Variants in PCDHGA1 observed in about 807,000 individuals in gnomAD.
PCDHGA1 encodes protocadherin gamma-A1.
A neutral mutation model predicts 58.0 loss-of-function variants in PCDHGA1; 32 were observed. The observed-to-expected ratio is 0.55, with a 90% CI of 0.42 to 0.74. PCDHGA1 has a LOEUF of 0.74. PCDHGA1 is among the 30% of genes least tolerant of loss of function. The pLI is 0.00. For synonymous variants in PCDHGA1, 498 were observed against 501.1 expected, an observed-to-expected ratio of 0.99 and a Z score of 0.08; for missense variants, 1,205 against 1,182.3, an observed-to-expected ratio of 1.02 and a Z score of -0.28.
chr5:141,424,295 C>T (rs1481053072), intron 1 of PCDHGA1: 1 of 152,526 alleles, frequency 6.6e-6, no homozygotes, highest in East Asian at 1.9e-4. Flanking sequence ...TTTCTTCATC[C>T]TATCAACACA....
chr5:141,380,878 G>C (rs1776818511), intron 1 of PCDHGA1, among the ~76,000 whole-genome samples: 1 of 152,198 alleles, frequency 6.6e-6, no homozygotes, highest in African/African-American at 2.4e-5. Flanking sequence ...CTCCAAACAT[G>C]AAAGTTTGTT....
chr5:141,409,238 G>A (rs2095245468), intron 1 of PCDHGA1: 1 of 1,614,002 alleles, frequency 6.2e-7, no homozygotes, highest in Non-Finnish European at 8.5e-7. Flanking sequence ...CAACAGCCCA[G>A]AAATAATCAT....
At chr5:141,424,717 T>G (rs914445969) in intron 1 of PCDHGA1, 1 of 152,202 alleles carries the variant, frequency 6.6e-6, no homozygotes, top group Non-Finnish European at 1.5e-5. Context: ...TCAGTGTAGT[T>G]GGGAGTCATA....
In PCDHGA1 at chr5:141,332,407, G is replaced by A. The variant is rs947751971; in HGVS notation, c.1723G>A (p.Val575Met). The A allele has an allele frequency of 6.2e-7, 1 of 1,614,032 alleles. No individual in the cohort carries two copies. The highest frequency in any genetic ancestry group is 8.5e-7 in the Non-Finnish European group (1 of 1,180,056). The part of the protein sequence containing the change: ...PALPTDGSTG[V>M]ELAPLSAEPG... The stretch of plus-strand genomic sequence containing the variant: ...CCTCCCCACAGATGGTTCTACCGGC[G>A]TGGAGCTGGCGCCCCTCTCCGCAGA... The change falls in exon 1 of 4, where the codon GTG becomes ATG. Residue 575 changes from valine (V) to methionine (M), a missense_variant. Coordinates refer to ENST00000517417, the MANE Select transcript of PCDHGA1 (RefSeq NM_018912.3). This position sits in a 1 kb window ranked among gnomAD's most constrained non-coding sequence, Gnocchi z 4.6.
chr5:141,414,726 C>G (rs761022941), intron 1 of PCDHGA1: 5 of 1,614,196 alleles, frequency 3.1e-6, no homozygotes, highest in Non-Finnish European at 4.2e-6. Context: ...ACACTGGCGT[C>G]CTGTATGCAC....
chr5:141,409,438 A>G (rs1459982502), intron 1 of PCDHGA1: 2 of 1,613,984 alleles, frequency 1.2e-6, no homozygotes, highest in Non-Finnish European at 1.7e-6. Flanking sequence ...CCCTGGACCG[A>G]GAGCAGACAC....
chr5:141,366,655 C>T (rs761615702), intron 1 of PCDHGA1: 7 of 1,614,102 alleles, frequency 4.3e-6, no homozygotes, highest in African/African-American at 2.7e-5. Context: ...AGCCCAACTA[C>T]GCAGACACGC....
At position 141,332,568 on chromosome 5, in the gene PCDHGA1, G is replaced by C; in HGVS notation, c.1884G>C (p.Thr628=). ...GTCTGCACACGGGCGAGGTGCGCAC[G>C]GCGCGAGCCCTGCTGGACAGAGACG... The part of the protein sequence containing the change: ...SVGLHTGEVR[T]ARALLDRDAL... The change falls in exon 1 of 4, where the codon ACG becomes ACC. Residue 628 remains threonine (T), a synonymous_variant. Transcript: ENST00000517417. The surrounding 1 kb of genome is among the most constrained non-coding windows in gnomAD (Gnocchi z 4.6). 2.5e-6 allele frequency: 4 copies of C among 1,612,414 alleles called. No individual in the cohort carries two copies. Among genetic ancestry groups the C allele is most frequent in the Non-Finnish European group, 3.4e-6 (4 of 1,179,808 alleles).
At chr5:141,361,788 A>C in intron 1 of PCDHGA1, 2 of 1,613,154 alleles carry the variant, frequency 1.2e-6, no homozygotes, top group Non-Finnish European at 1.7e-6. Flanking sequence ...TGCGCGTGTT[A>C]GTGGGCGACC....
chr5:141,396,804 G>A lies in PCDHGA1; in HGVS notation c.2421+63699G>A, dbSNP rs189942396. On this transcript the variant is annotated intron_variant, in intron 1 of 3. Coordinates refer to ENST00000517417, the MANE Select transcript of PCDHGA1 (RefSeq NM_018912.3). ...AAGGACATTTCCTAAGGATTGTGTA[G>A]TGTTCTACTGTATGGTGCATATTCA... Among the ~76,000 whole-genome samples the A allele has an allele frequency of 2.8e-4, 42 of 152,300 alleles. 1 individual carries two copies. The highest frequency in any genetic ancestry group is 9.6e-4 in the African/African-American group (40 of 41,552).
chr5:141,353,526 A>G (rs1471776708), intron 1 of PCDHGA1, among the ~76,000 whole-genome samples: 1 of 152,194 alleles, frequency 6.6e-6, no homozygotes, highest in Non-Finnish European at 1.5e-5. Context: ...CCAATTTTAT[A>G]TTTGCATCAC....
At chr5:141,488,042 G>T (rs2099670966) in intron 1 of PCDHGA1, among the ~76,000 whole-genome samples, 1 of 152,168 alleles carries the variant, frequency 6.6e-6, no homozygotes, top group Non-Finnish European at 1.5e-5. Context: ...TTTCCCAAGG[G>T]ATTGAGGGGA....
chr5:141,375,955 C>A, intron 1 of PCDHGA1: 2 of 1,613,498 alleles, frequency 1.2e-6, no homozygotes, highest in Non-Finnish European at 1.7e-6. Flanking sequence ...TGCACACGGG[C>A]GAGGTGCGCA....
At chr5:141,350,332 C>A (rs774589363) in intron 1 of PCDHGA1, 16 of 1,537,558 alleles carry the variant, frequency 1.0e-5, no homozygotes, top group Middle Eastern at 1.8e-4. Context: ...CTTTGTTCTG[C>A]GGGGCCATCT....
chr5:141,410,847 GTC>G (rs2095431261), intron 1 of PCDHGA1: 6 of 158,244 alleles, frequency 3.8e-5, no homozygotes, highest in Admixed American at 8.9e-5. Context: ...TTTTGTCTTT[GTC>G]TTTTTTTTTT....
chr5:141,361,081 A>AC (rs1470194517), intron 1 of PCDHGA1: 1 of 1,613,830 alleles, frequency 6.2e-7, no homozygotes, highest in Non-Finnish European at 8.5e-7. Context: ...AAGTAGTTAC[A>AC]CTCTGAGTAT....
At chr5:141,415,801 A>G (rs560476453) in intron 1 of PCDHGA1, 12 of 1,373,384 alleles carry the variant, frequency 8.7e-6, no homozygotes, top group East Asian at 5.3e-5. Flanking sequence ...CCTAGTCTCA[A>G]TCAAGGCCTA....
intron 1 of PCDHGA1, chr5:141,352,172 C>T (rs777128757): frequency 1.2e-6 from 2 of 1,613,514 alleles, no homozygotes; most frequent in African/African-American, 1.3e-5. Flanking sequence ...CCGCCAGCGC[C>T]TGCTGGTCGC....
intron 1 of PCDHGA1, chr5:141,405,042 T>C (rs765018710): frequency 1.2e-6 from 2 of 1,613,144 alleles, no homozygotes; most frequent in South Asian, 1.1e-5. Flanking sequence ...GTTGTGGCTG[T>C]GGCAGTCGTC....
Sources: gnomAD v4.1 joint callset for allele counts (sites outside exome capture counted in the v4.1 genomes callset) on GRCh38, gnomAD v4.1.1 for gene constraint, Gnocchi (gnomAD v3.1) non-coding constraint, MANE v1.5 for transcripts, NCBI Gene and HGNC (gene_info 2026-07-23, HGNC 2026-07-21) for gene names.